ARHGAP42: variants seen among roughly 807,000 people sequenced by gnomAD.
ARHGAP42 encodes rho GTPase-activating protein 42.
ARHGAP42 carries 63 observed loss-of-function variants against 125.0 expected under a neutral mutation model. That is an observed-to-expected ratio of 0.50 (90% CI 0.41 to 0.62). The LOEUF (loss-of-function observed/expected upper bound fraction) is 0.62. Among genes scored for constraint, ARHGAP42 ranks in the 20% least tolerant of loss-of-function variants. The probability of loss-of-function intolerance (pLI) is 0.00; values close to 1 mark genes in which losing one functional copy is unlikely to be tolerated. For synonymous variants in ARHGAP42, 339 were observed against 351.0 expected (o/e 0.97, Z 0.38); for missense variants, 766 against 1,024.2 (o/e 0.75, Z 3.44).
At chr11:100,717,376 G>T (rs1458280488) in intron 1 of ARHGAP42, among the ~76,000 whole-genome samples, 3 of 152,156 alleles carry the variant, frequency 2.0e-5, no homozygotes, top group African/African-American at 7.2e-5. Context: ...GGTGGCTCAT[G>T]CCTGTAATCC....
chr11:100,962,765 G>T (rs932565223), intron 16 of ARHGAP42, among the ~76,000 whole-genome samples: 1 of 152,030 alleles, frequency 6.6e-6, no homozygotes, highest in Middle Eastern at 3.2e-3. Flanking sequence ...AATCCCAGCT[G>T]CTCGGGAAGC....
In ARHGAP42 at chr11:100,976,830, G is replaced by A; in HGVS notation, c.2252G>A (p.Ser751Asn). Residue 751 changes from serine to asparagine, a missense_variant, in exon 21 of 24, where the codon AGT becomes AAT. By Grantham distance (46) the Ser-to-Asn change is conservative. Transcript: ENST00000298815. ...TTCTTTTTAGGAAACAAGAGCTACA[G>A]TGGATCTATTCAAAGCTTAACTTCT... ...ISAAEGNKSY[S>N]GSIQSLTSVG... is the part of the protein sequence containing the mutation. 1 of 1,550,582 alleles carries A rather than the reference G, an allele frequency of 6.4e-7. No individual in the cohort carries two copies. Among genetic ancestry groups the A allele is most frequent in the East Asian group, 2.4e-5 (1 of 40,910 alleles).
chr11:100,780,849 G>T (rs778347035), intron 2 of ARHGAP42, among the ~76,000 whole-genome samples: 2 of 152,186 alleles, frequency 1.3e-5, no homozygotes, highest in African/African-American at 4.8e-5. Flanking sequence ...GTTTTGAATC[G>T]TGTAAAAACA....
intron 22 of ARHGAP42, among the ~76,000 whole-genome samples, chr11:100,981,816 T>A (rs17648451): frequency 2.0e-5 from 3 of 152,022 alleles, no homozygotes; most frequent in African/African-American, 7.2e-5. Flanking sequence ...TGTTTTGATA[T>A]TGGGAATCAG....
At chr11:100,982,003 G>A (rs971848492) in intron 22 of ARHGAP42, among the ~76,000 whole-genome samples, 1 of 152,176 alleles carries the variant, frequency 6.6e-6, no homozygotes, top group Admixed American at 6.5e-5. Context: ...CCAGGAGACA[G>A]CATGGAGTTT....
In ARHGAP42 at chr11:100,780,093, T is replaced by C. The variant is rs976907613; in HGVS notation, c.250+9655T>C. On this transcript the variant is annotated intron_variant, in intron 2 of 23. Coordinates refer to ENST00000298815, the MANE Select transcript of ARHGAP42 (RefSeq NM_152432.4). ...ATTAAAATAAATTTTAAACCAGAGTTAAAAATTTATTCTCTTTTTGCATTT... is the reference window on the plus strand; with the variant it reads ...ATTAAAATAAATTTTAAACCAGAGTCAAAAATTTATTCTCTTTTTGCATTT... Among the ~76,000 whole-genome samples the C allele has an allele frequency of 7.2e-5, 11 of 151,976 alleles. 1 individual carries two copies. The highest frequency in any genetic ancestry group is 2.1e-4 in the South Asian group (1 of 4,820).
chr11:100,925,073 C>G (rs1867383517), intron 6 of ARHGAP42, among the ~76,000 whole-genome samples: 1 of 152,008 alleles, frequency 6.6e-6, no homozygotes, highest in Admixed American at 6.6e-5. Context: ...CTCAGGTGAT[C>G]CACCTGTTTT....
At chr11:100,886,437 T>A (rs991113853) in intron 4 of ARHGAP42, among the ~76,000 whole-genome samples, 3 of 152,250 alleles carry the variant, frequency 2.0e-5, no homozygotes, top group African/African-American at 7.2e-5. Flanking sequence ...TTCTTCAAAC[T>A]GTAGGGTTCT....
At chr11:100,859,938 C>G (rs933083851) in intron 4 of ARHGAP42, 10 of 199,790 alleles carry the variant, frequency 5.0e-5, no homozygotes. Context: ...AAATTAGGCA[C>G]AGGGCACATT....
At chr11:100,902,602 G>A (rs1866582199) in intron 4 of ARHGAP42, among the ~76,000 whole-genome samples, 1 of 152,086 alleles carries the variant, frequency 6.6e-6, no homozygotes, top group Non-Finnish European at 1.5e-5. Flanking sequence ...GGGCTCTTTG[G>A]TCTTGCTCAG....
At position 100,901,987 on chromosome 11, in the gene ARHGAP42, G is replaced by A. The variant is rs112064147; in HGVS notation, c.385-11465G>A. ...AGTGCAGAAATCACCCATCTTCTGCGTCCATCCCTGTGGGAGCTGCAGACC... is the reference window on the plus strand; with the variant it reads ...AGTGCAGAAATCACCCATCTTCTGCATCCATCCCTGTGGGAGCTGCAGACC... On this transcript the variant is annotated intron_variant, in intron 4 of 23. Transcript: ENST00000298815. Among the ~76,000 whole-genome samples, 1,263 of 152,274 alleles carry A rather than the reference G, an allele frequency of 8.3e-3. 19 individuals carry two copies. The highest frequency in any genetic ancestry group is 0.029 in the African/African-American group (1,207 of 41,558).
intron 4 of ARHGAP42, among the ~76,000 whole-genome samples, chr11:100,863,052 A>C (rs1180157109): frequency 1.4e-5 from 1 of 71,876 alleles, no homozygotes; most frequent in Non-Finnish European, 2.7e-5. Flanking sequence ...AAAAAAAAAA[A>C]ACACAAAACA....
intron 1 of ARHGAP42, among the ~76,000 whole-genome samples, chr11:100,707,317 T>C (rs1166468471): frequency 1.3e-5 from 2 of 152,224 alleles, no homozygotes; most frequent in African/African-American, 2.4e-5. Flanking sequence ...AACTCATTTT[T>C]ACAAAGAGAA....
At chr11:100,972,489 A>G (rs1442400896) in intron 17 of ARHGAP42, among the ~76,000 whole-genome samples, 1 of 151,766 alleles carries the variant, frequency 6.6e-6, no homozygotes, top group Non-Finnish European at 1.5e-5. Context: ...CACAGCACCC[A>G]ATACTAGGGA....
intron 3 of ARHGAP42, among the ~76,000 whole-genome samples, chr11:100,849,518 C>A (rs898196401): frequency 1.3e-5 from 2 of 152,056 alleles, no homozygotes; most frequent in Non-Finnish European, 2.9e-5. Context: ...ACGTAGATAA[C>A]TTTTGGGTAT....
At chr11:100,844,250 A>G (rs1865010637) in intron 3 of ARHGAP42, among the ~76,000 whole-genome samples, 1 of 151,864 alleles carries the variant, frequency 6.6e-6, no homozygotes, top group African/African-American at 2.4e-5. Flanking sequence ...AGCCACATCT[A>G]GGAGAATGAA....
chr11:100,992,064 GTTC>G lies in ARHGAP42; in HGVS notation c.*3268_*3270del. 2.1e-6 allele frequency: 1 copy of G among 474,862 alleles called. No individual in the cohort carries two copies. The highest frequency in any genetic ancestry group is 3.7e-6 in the Non-Finnish European group (1 of 271,158). The allele number at this position is 474,862 out of a possible 1,614,324, so 29.4% of individuals were successfully genotyped here. On this transcript the variant is annotated 3_prime_UTR_variant, in exon 24 of 24. Coordinates refer to ENST00000298815, the MANE Select transcript of ARHGAP42 (RefSeq NM_152432.4). The stretch of plus-strand genomic sequence containing the variant: ...TGCTCACCTTCTCACTCCTAGCACC[GTTC>G]TTCTGGTCTGTGTTGAAAAGGGTAT...
At chr11:100,949,843 C>A in intron 11 of ARHGAP42, 74 bp from the exon 12 acceptor site, 2 of 972,900 alleles carry the variant, frequency 2.1e-6, no homozygotes, top group Non-Finnish European at 3.0e-6. Flanking sequence ...TATTAGTGTA[C>A]AGATATCACC....
intron 2 of ARHGAP42, among the ~76,000 whole-genome samples, chr11:100,785,298 CAGG>C (rs1359101984): frequency 2.6e-5 from 4 of 152,140 alleles, no homozygotes; most frequent in Non-Finnish European, 4.4e-5. Context: ...CTCACAGAAT[CAGG>C]AGGCCGGGCC....
Sources: gnomAD v4.1 joint callset for allele counts (sites outside exome capture counted in the v4.1 genomes callset) on GRCh38, gnomAD v4.1.1 for gene constraint, MANE v1.5 for transcripts, NCBI Gene and HGNC (gene_info 2026-07-23, HGNC 2026-07-21) for gene names.